Variants in GBA2 observed in about 807,000 individuals in gnomAD.
GBA2 encodes the protein non-lysosomal glucosylceramidase.
Under a neutral mutation model 112.9 loss-of-function variants are expected in GBA2, and 79 were observed. That is an observed-to-expected ratio of 0.70 (90% CI 0.58 to 0.84). GBA2 has a LOEUF of 0.84. Among genes scored for constraint, GBA2 ranks in the 40% least tolerant of loss-of-function variants. The pLI is 0.00. For synonymous variants in GBA2, 403 were observed against 434.3 expected (o/e 0.93, Z 0.90); for missense variants, 1,043 against 1,190.0 (o/e 0.88, Z 1.82).
chr9:35,743,630 G>C (rs1351195211), intron 3 of GBA2, among the ~76,000 whole-genome samples: 1 of 152,130 alleles, frequency 6.6e-6, no homozygotes, highest in Admixed American at 6.6e-5. Flanking sequence ...CAAGAAAGAG[G>C]AACTTCCTAG....
At position 35,737,576 on chromosome 9, in the gene GBA2, A is replaced by T. The variant is rs1406212024; in HGVS notation, c.2506-129T>A. On this transcript the variant is annotated intron_variant, in intron 16 of 16. Coordinates refer to ENST00000378103, the MANE Select transcript of GBA2 (RefSeq NM_020944.3). This position sits in a 1 kb window ranked among gnomAD's most constrained non-coding sequence, Gnocchi z 4.1. ...CCAGCAAGTGGAGGAGATAACTATG[A>T]CCCACAGACAGAAGCCTGAAGGCAG... 6.4e-7 allele frequency: 1 copy of T among 1,557,386 alleles called. No homozygotes were observed. The highest frequency in any genetic ancestry group is 1.9e-5 in the Admixed American group (1 of 51,448).
Position 35,748,404 on chromosome 9 carries a change from A to T in GBA2, c.301T>A (p.Phe101Ile), listed in dbSNP as rs1301948345. The T allele has an allele frequency of 6.2e-7, 1 of 1,614,180 alleles. No homozygotes were observed. Among genetic ancestry groups the T allele is most frequent in the Non-Finnish European group, 8.5e-7 (1 of 1,180,000 alleles). ...AHEFTEKRKP[F>I]QANNVSLSNM... is the part of the protein sequence containing the mutation. ...CTTAGGGAGACGTTGTTAGCTTGAA[A>T]GGGTTTCCTCTTCTCTGTAAACTCA... is the stretch of plus-strand genomic sequence containing the variant. The change falls in exon 1 of 17, where the codon TTT (phenylalanine) becomes ATT (isoleucine). Residue 101 changes from phenylalanine to isoleucine, a missense_variant. Phe to Ile is a conservative substitution (Grantham distance 21, BLOSUM62 0). Transcript: ENST00000378103.
In GBA2 at chr9:35,738,851, A is replaced by C. The variant is rs766509602; in HGVS notation, c.1848T>G (p.Asp616Glu). ...CAAACTTCAGGTTCAGGTCCTTCCA[A>C]TCAGCAGTATCATGGATTAAATATG... ...VNAYLIHDTADWKDLNLKFVL... is the reference protein window; with the variant it reads ...VNAYLIHDTAEWKDLNLKFVL... The change falls in exon 12 of 17, where the codon GAT becomes GAG. Residue 616 changes from aspartate to glutamate, a missense_variant. Physicochemically the swap from Asp to Glu is conservative, Grantham distance 45. Coordinates refer to ENST00000378103, the MANE Select transcript of GBA2 (RefSeq NM_020944.3). The C allele has an allele frequency of 6.2e-7, 1 of 1,613,990 alleles. No homozygotes were observed. The highest frequency in any genetic ancestry group is 1.1e-5 in the South Asian group (1 of 91,078).
At position 35,737,152 on chromosome 9, in the gene GBA2, C is replaced by T. The variant is rs372562411; in HGVS notation, c.*17G>A. ...GAGGCTGGGCTGTTAGCACTTCCCT[C>T]CCACAGTTCAGACGGCTCACTCTGG... On this transcript the variant is annotated 3_prime_UTR_variant, in exon 17 of 17. Coordinates refer to ENST00000378103, the MANE Select transcript of GBA2 (RefSeq NM_020944.3). The surrounding 1 kb of genome is among the most constrained non-coding windows in gnomAD (Gnocchi z 4.1). 15 of 1,594,678 alleles carry T rather than the reference C, an allele frequency of 9.4e-6. No homozygotes were observed. The African/African-American group carries it at 1.6e-4, about 17-fold the overall frequency.
In GBA2 at chr9:35,741,337, TTTTG is replaced by T; in HGVS notation, c.787-277_787-274del. The T allele has an allele frequency of 1.9e-6, 1 of 517,584 alleles. No homozygotes were observed. The highest frequency in any genetic ancestry group is 2.6e-5 in the South Asian group (1 of 38,088). 32.1% of individuals were successfully genotyped at this position (517,584 alleles called of 1,614,324 possible). ...GGCCATGCAGTTTCTTTTTTTTTTT[TTTTG>T]GGGGGTGCGGTGGCGCAATCTCGGC... On this transcript the variant is annotated intron_variant, in intron 4 of 16. Coordinates refer to ENST00000378103, the MANE Select transcript of GBA2 (RefSeq NM_020944.3). The surrounding 1 kb of genome is among the most constrained non-coding windows in gnomAD (Gnocchi z 4.6).
At chr9:35,743,113 C>T (rs1205487536) in intron 3 of GBA2, among the ~76,000 whole-genome samples, 1 of 152,240 alleles carries the variant, frequency 6.6e-6, no homozygotes, top group African/African-American at 2.4e-5. Context: ...AAGACTTGAG[C>T]ATCCTCGGAT....
In GBA2 at chr9:35,736,903, T is replaced by C; in HGVS notation, c.*266A>G. The C allele has an allele frequency of 1.4e-6, 1 of 733,318 alleles. No homozygotes were observed. The highest frequency in any genetic ancestry group is 1.9e-5 in the South Asian group (1 of 54,044). The allele number at this position is 733,318 out of a possible 1,614,324, so 45.4% of individuals were successfully genotyped here. On this transcript the variant is annotated 3_prime_UTR_variant, in exon 17 of 17. Transcript: ENST00000378103. ...TCTTTTATTTGTACCCATGTGTCTG[T>C]CACACCATGAATGTACCTGGGGAAA...
Position 35,749,040 on chromosome 9 carries a change from A to C in GBA2, c.-336T>G. ...GAGCCGCGGGGCCAGCCCACCAGGC[A>C]CCGCCCCGGGACGGGCCCGCAAGGC... is the stretch of plus-strand genomic sequence containing the variant. On this transcript the variant is annotated 5_prime_UTR_variant, in exon 1 of 17. Transcript: ENST00000378103. The surrounding 1 kb of genome is among the most constrained non-coding windows in gnomAD (Gnocchi z 4.4). 1 of 203,312 alleles carries C rather than the reference A, an allele frequency of 4.9e-6. No individual in the cohort carries two copies. The allele number at this position is 203,312 out of a possible 1,614,324, so 12.6% of individuals were successfully genotyped here.
Position 35,737,949 on chromosome 9 carries a change from C to A in GBA2, c.2314-10G>T. 1 of 1,608,322 alleles carries A rather than the reference C, an allele frequency of 6.2e-7. No homozygotes were observed. The highest frequency in any genetic ancestry group is 8.5e-7 in the Non-Finnish European group (1 of 1,177,412). On this transcript the variant is annotated splice_polypyrimidine_tract_variant and intron_variant, in intron 15 of 16. Coordinates refer to ENST00000378103, the MANE Select transcript of GBA2 (RefSeq NM_020944.3). The surrounding 1 kb of genome is among the most constrained non-coding windows in gnomAD (Gnocchi z 4.1). ...GTTGGGTAGGAAACACCTGGAGGGG[C>A]AAGGGCAGGAACATGGTCTCATATA...
rs1311360726 is a variant in GBA2 at position 35,739,109 on chromosome 9, G to A, written c.1688C>T (p.Ala563Val). The A allele has an allele frequency of 6.6e-7, 1 of 1,526,044 alleles. No individual in the cohort carries two copies. The allele number at this position is 1,526,044 out of a possible 1,614,324, so 94.5% of individuals were successfully genotyped here. ...KLELSLQYDM[A>V]LATLREDLTR... is the part of the protein sequence containing the mutation. ...CAGGTCCTCCCTGAGAGTGGCCAGA[G>A]CTGGGGGAGAGACACAGAAGGGAGG... The change falls in exon 11 of 17, where the codon GCT (alanine) becomes GTT (valine). Residue 563 changes from alanine to valine, a missense_variant and splice_region_variant. Ala to Val is a moderately conservative substitution (Grantham distance 64). Transcript: ENST00000378103.
rs1283316278 is a variant in GBA2, at chr9:35,739,518, C to T, written c.1583-99G>A. 1.1e-5 allele frequency: 14 copies of T among 1,278,466 alleles called. No homozygotes were observed. The Admixed American group carries it at 2.0e-4, about 18-fold the overall frequency. 79.2% of individuals were successfully genotyped at this position (1,278,466 alleles called of 1,614,324 possible). On this transcript the variant is annotated intron_variant, in intron 9 of 16. Transcript: ENST00000378103. ...TAGATTTAGAGGTGGGGCATTGTTA[C>T]TAGTCCACACCCAACACCCCCTCAT...
At chr9:35,742,549 T>A (rs951681465) in intron 3 of GBA2, among the ~76,000 whole-genome samples, 4 of 152,234 alleles carry the variant, frequency 2.6e-5, no homozygotes, top group African/African-American at 4.8e-5. Context: ...TATTATGTTA[T>A]AATGTATTGA....
rs1223505451 is a variant in GBA2, at chr9:35,748,736, G to T, written c.-32C>A. ...GATGGCGCCAAGTCCCGAGCCCTCG[G>T]ATACTAAGTATCTCGCCAGCCTATT... On this transcript the variant is annotated 5_prime_UTR_variant, in exon 1 of 17. Transcript: ENST00000378103. The T allele has an allele frequency of 2.3e-6, 3 of 1,321,984 alleles. No individual in the cohort carries two copies. Among genetic ancestry groups the T allele is most frequent in the South Asian group, 1.4e-5 (1 of 70,654 alleles). The allele number at this position is 1,321,984 out of a possible 1,614,324, so 81.9% of individuals were successfully genotyped here.
chr9:35,740,474 A>C lies in GBA2; in HGVS notation c.1129+52T>G. ...TACCAGGCCTCCCACCCCTGGTCCC[A>C]AGACAGGGACAACCTCTCTTCCCAC... is the stretch of plus-strand genomic sequence containing the variant. On this transcript the variant is annotated intron_variant, in intron 6 of 16. Coordinates refer to ENST00000378103, the MANE Select transcript of GBA2 (RefSeq NM_020944.3). This position sits in a 1 kb window ranked among gnomAD's most constrained non-coding sequence, Gnocchi z 4.7. 1.3e-6 allele frequency: 2 copies of C among 1,569,130 alleles called. No individual in the cohort carries two copies. Among genetic ancestry groups the C allele is most frequent in the African/African-American group, 1.3e-5 (1 of 74,158 alleles).
In GBA2 at chr9:35,738,018, G is replaced by GCTC. The variant is rs200851781; in HGVS notation, c.2313+16_2313+18dup. ...GGAAAACCCATTTTTCTCTCTGGCT[G>GCTC]CTCCTCCTCCTCTCTCACCTCAGTG... is the stretch of plus-strand genomic sequence containing the variant. On this transcript the variant is annotated intron_variant, in intron 15 of 16. Transcript: ENST00000378103. 672 of 1,592,706 alleles carry GCTC rather than the reference G, an allele frequency of 4.2e-4. 4 individuals are homozygous for GCTC. In the East Asian group the frequency reaches 0.014, roughly 33 times the overall value.
rs934470673 is a variant in GBA2, at chr9:35,741,076, A to T, written c.787-12T>A. 1.2e-6 allele frequency: 2 copies of T among 1,613,878 alleles called. No homozygotes were observed. The highest frequency in any genetic ancestry group is 1.7e-5 in the Admixed American group (1 of 60,026). On this transcript the variant is annotated splice_polypyrimidine_tract_variant and intron_variant, in intron 4 of 16. Coordinates refer to ENST00000378103, the MANE Select transcript of GBA2 (RefSeq NM_020944.3). This position sits in a 1 kb window ranked among gnomAD's most constrained non-coding sequence, Gnocchi z 4.6. ...GGCAGGCTGCTGTCCTGGGGGCAGA[A>T]GATTAGACTCAGACGGTCCCAGTAG...
In GBA2 at chr9:35,744,312, T is replaced by C; in HGVS notation, c.552A>G (p.Thr184=). Residue 184 remains threonine, a synonymous_variant, in exon 3 of 17, where the codon ACA becomes ACG. Transcript: ENST00000378103. ...QLNPGMYQHR[T]VIADQFTVCL... The stretch of plus-strand genomic sequence containing the variant: ...TGGCTCTTACTTGGTCAGCGATGAC[T>C]GTCCGGTGCTGATACATTCCAGGGT... 1 of 1,606,084 alleles carries C rather than the reference T, an allele frequency of 6.2e-7. No individual in the cohort carries two copies. The highest frequency in any genetic ancestry group is 8.5e-7 in the Non-Finnish European group (1 of 1,172,630).
chr9:35,738,928 T>C (rs776175886), intron 11 of GBA2, 25 bp from the exon 12 acceptor site: 4 of 1,613,390 alleles, frequency 2.5e-6, no homozygotes, highest in Non-Finnish European at 3.4e-6. Flanking sequence ...GGGACTTGGG[T>C]CACTTGCATT....
chr9:35,743,140 A>T (rs1342180039), intron 3 of GBA2: 1 of 153,808 alleles, frequency 6.5e-6, no homozygotes, highest in Non-Finnish European at 1.5e-5. Flanking sequence ...TCCTGGGCCC[A>T]ACCCCCCATG....
Sources: gnomAD v4.1 joint callset for allele counts (sites outside exome capture counted in the v4.1 genomes callset) on GRCh38, gnomAD v4.1.1 for gene constraint, Gnocchi (gnomAD v3.1) non-coding constraint, MANE v1.5 for transcripts, NCBI Gene and HGNC (gene_info 2026-07-23, HGNC 2026-07-21) for gene names.